Variants in EPHA5 observed in about 807,000 individuals in gnomAD.
EPHA5 encodes ephrin type-A receptor 5.
Under a neutral mutation model 105.0 loss-of-function variants are expected in EPHA5, and 60 were observed. The observed-to-expected ratio is 0.57, with a 90% CI of 0.46 to 0.71. The LOEUF is 0.71. Ranked by LOEUF, EPHA5 falls within the 30% of genes least tolerant of loss-of-function variation. The probability of loss-of-function intolerance (pLI) is 0.00; values close to 1 mark genes in which losing one functional copy is unlikely to be tolerated. For synonymous variants in EPHA5, 513 were observed against 449.1 expected (o/e 1.14, Z -1.80); for missense variants, 1,218 against 1,274.7 (o/e 0.96, Z 0.68).
chr4:65,390,167 A>G (rs1720564991), intron 8 of EPHA5, among the ~76,000 whole-genome samples: 2 of 152,162 alleles, frequency 1.3e-5, no homozygotes, highest in South Asian at 4.1e-4. Flanking sequence ...TCCTAGAAGT[A>G]GCAAAGTACT....
At chr4:65,608,359 C>G (rs1482363813) in intron 2 of EPHA5, among the ~76,000 whole-genome samples, 2 of 151,918 alleles carry the variant, frequency 1.3e-5, no homozygotes, top group Non-Finnish European at 2.9e-5. Context: ...AAAAAATTAG[C>G]CGGGCGTGGT....
intron 3 of EPHA5, among the ~76,000 whole-genome samples, chr4:65,526,604 G>C (rs569745807): frequency 5.3e-5 from 8 of 151,982 alleles, no homozygotes; most frequent in African/African-American, 1.9e-4. Flanking sequence ...TTCCTATTTA[G>C]TAAATTTCCA....
chr4:65,613,911 C>A (rs979827854), intron 2 of EPHA5, among the ~76,000 whole-genome samples: 9 of 151,934 alleles, frequency 5.9e-5, no homozygotes, highest in African/African-American at 2.2e-4. Flanking sequence ...TATCTGAAGA[C>A]AGTGATTGAT....
chr4:65,354,005 T>C (rs546275586), intron 11 of EPHA5, among the ~76,000 whole-genome samples: 1 of 151,914 alleles, frequency 6.6e-6, no homozygotes, highest in African/African-American at 2.4e-5. Context: ...GCCATACTTC[T>C]TGGATTTTCA....
intron 2 of EPHA5, among the ~76,000 whole-genome samples, chr4:65,606,266 T>C (rs1744220088): frequency 6.6e-6 from 1 of 152,188 alleles, no homozygotes; most frequent in Non-Finnish European, 1.5e-5. Context: ...TAGAGTCTGA[T>C]ACAACAGGGC....
chr4:65,573,991 G>C (rs1301624628), intron 3 of EPHA5: 193 of 1,595,162 alleles, frequency 1.2e-4, no homozygotes, highest in Non-Finnish European at 1.5e-4. Context: ...CTTGTGACTG[G>C]ACCTCTGGTC....
At chr4:65,450,621 T>A (rs775234492) in intron 5 of EPHA5, among the ~76,000 whole-genome samples, 20 of 152,188 alleles carry the variant, frequency 1.3e-4, no homozygotes, top group Admixed American at 4.6e-4. Flanking sequence ...TAATTATTAA[T>A]CATATCAAAC....
intron 3 of EPHA5, among the ~76,000 whole-genome samples, chr4:65,534,317 G>T (rs998276936): frequency 3.0e-4 from 46 of 152,048 alleles, no homozygotes; most frequent in African/African-American, 1.0e-3. Context: ...TATTGTTACT[G>T]CCCACATGCC....
intron 3 of EPHA5, among the ~76,000 whole-genome samples, chr4:65,576,141 AAG>A (rs1741021970): frequency 1.3e-5 from 2 of 150,408 alleles, no homozygotes; most frequent in African/African-American, 4.9e-5. Flanking sequence ...AAAAGAAAGA[AAG>A]AAAAAGAAAG....
intron 3 of EPHA5, among the ~76,000 whole-genome samples, chr4:65,540,819 A>C (rs1290031240): frequency 6.7e-6 from 1 of 149,624 alleles, no homozygotes; most frequent in African/African-American, 2.4e-5. Context: ...AGTTTCAGAG[A>C]TCCCATCCCC....
At chr4:65,361,735 CAG>C (rs1174634573) in intron 11 of EPHA5, among the ~76,000 whole-genome samples, 7 of 151,554 alleles carry the variant, frequency 4.6e-5, no homozygotes, top group African/African-American at 1.5e-4. Context: ...AAGAGAAAGA[CAG>C]AGATTCTTCT....
chr4:65,653,018 A>T (rs915280877), intron 1 of EPHA5, among the ~76,000 whole-genome samples: 2 of 152,170 alleles, frequency 1.3e-5, no homozygotes, highest in African/African-American at 2.4e-5. Flanking sequence ...AATAGAATTT[A>T]AAAAAATGTA....
chr4:65,466,697 C>T (rs1335117152), intron 5 of EPHA5, among the ~76,000 whole-genome samples: 1 of 152,142 alleles, frequency 6.6e-6, no homozygotes, highest in East Asian at 1.9e-4. Context: ...TTAGAATTCA[C>T]TGGATGATTA....
chr4:65,665,935 C>T (rs1316211152), intron 1 of EPHA5, among the ~76,000 whole-genome samples: 5 of 152,080 alleles, frequency 3.3e-5, no homozygotes, highest in African/African-American at 1.2e-4. Flanking sequence ...ATTTTACTGT[C>T]CTTTTTTCTG....
chr4:65,505,325 G>T (rs1469968132), intron 3 of EPHA5, among the ~76,000 whole-genome samples: 1 of 151,896 alleles, frequency 6.6e-6, no homozygotes, highest in African/African-American at 2.4e-5. Flanking sequence ...TACTATTAAT[G>T]CTTGTTTTAT....
chr4:65,522,556 G>T (rs1053203243), intron 3 of EPHA5, among the ~76,000 whole-genome samples: 3 of 151,818 alleles, frequency 2.0e-5, no homozygotes, highest in Non-Finnish European at 4.4e-5. Context: ...TGAAGTCTGT[G>T]GTTAGTAGTG....
intron 3 of EPHA5, among the ~76,000 whole-genome samples, chr4:65,548,432 G>T (rs1394519934): frequency 6.6e-6 from 1 of 151,470 alleles, no homozygotes; most frequent in Admixed American, 6.6e-5. Flanking sequence ...ATGAGACAAA[G>T]ATAATGCACT....
intron 3 of EPHA5, among the ~76,000 whole-genome samples, chr4:65,566,906 G>T (rs1214124709): frequency 1.3e-5 from 2 of 151,202 alleles, no homozygotes; most frequent in African/African-American, 4.9e-5. Flanking sequence ...TATAACGGAG[G>T]CTTGTTTTTG....
intron 3 of EPHA5, among the ~76,000 whole-genome samples, chr4:65,530,592 G>C (rs1735675524): frequency 6.6e-6 from 1 of 152,174 alleles, no homozygotes; most frequent in Non-Finnish European, 1.5e-5. Context: ...AGCATAAATT[G>C]AGAAACTATA....
Sources: allele counts gnomAD v4.1 joint callset (sites outside exome capture counted in the v4.1 genomes callset), GRCh38; gene constraint gnomAD v4.1.1; transcripts MANE v1.5; gene names NCBI Gene and HGNC (gene_info 2026-07-23, HGNC 2026-07-21).